TRMT11: variants seen among roughly 807,000 people sequenced by gnomAD.
The protein encoded by TRMT11 is tRNA (guanine(10)-N(2))-methyltransferase TRMT11.
In TRMT11, 53 loss-of-function variants were observed where a neutral mutation model predicts 62.8. That is an observed-to-expected ratio of 0.84 (90% CI 0.68 to 1.06). TRMT11 has a LOEUF of 1.06. TRMT11 is among the 50% of genes least tolerant of loss of function. TRMT11 has a pLI of 0.00. For missense variants in TRMT11, 556 were observed against 553.4 expected (o/e 1.00, Z -0.05); for synonymous variants, 188 against 190.3 (o/e 0.99, Z 0.10).
rs565480288 is a variant in TRMT11 at position 126,151,584 on chromosome 6, G to A, written c.*1824-23241G>A. ...TTAACTTAGGTCAGACCTGAGCACC[G>A]TGGGACCTGCCCAACCTCTCTCTCA... is the stretch of plus-strand genomic sequence containing the variant. On this transcript the variant is annotated intron_variant and NMD_transcript_variant, in intron 21 of 22. Transcript: ENST00000648977. Among the ~76,000 whole-genome samples the A allele has an allele frequency of 9.2e-4, 140 of 152,268 alleles. 1 individual carries two copies. Among genetic ancestry groups the A allele is most frequent in the Admixed American group, 2.5e-3 (38 of 15,286 alleles).
chr6:126,227,832 G>A, the TRMT11 span, among the ~76,000 whole-genome samples: 1 of 152,114 alleles, frequency 6.6e-6, no homozygotes, highest in Admixed American at 6.5e-5. Flanking sequence ...AAGCCCCCTT[G>A]GAAATGAGGC....
rs373895844 is a variant in TRMT11, at chr6:125,998,638, C to G, written c.476C>G (p.Pro159Arg). 58 of 1,613,240 alleles carry G rather than the reference C, an allele frequency of 3.6e-5. No individual in the cohort carries two copies. In the African/African-American group the frequency reaches 6.3e-4, roughly 17 times the overall value. ...GTTTTGGAGGATTATGGTTTAGACC[C>G]AAACTGCATCCCTGAGAATCCACAT... Reference protein sequence around the residue: ...FSVLEDYGLDPNCIPENPHNI... With the variant: ...FSVLEDYGLDRNCIPENPHNI... The change falls in exon 6 of 13, where the codon CCA becomes CGA. Residue 159 changes from proline to arginine, a missense_variant. By Grantham distance (103) the Pro-to-Arg change is moderately radical. Transcript: ENST00000334379.
chr6:126,151,980 CCCCT>C lies in TRMT11; in HGVS notation c.*1824-22832_*1824-22829del, dbSNP rs1285269517. Among the ~76,000 whole-genome samples the C allele has an allele frequency of 2.8e-4, 15 of 53,158 alleles. 2 individuals are homozygous for C. The highest frequency in any genetic ancestry group is 4.5e-4 in the Admixed American group (2 of 4,490). The allele number at this position is 53,158 out of a possible 152,430, so 34.9% of individuals were successfully genotyped here. A position where few individuals can be genotyped will look rare whatever the true frequency, so the allele number is the denominator to read the frequency against. ...TCTTTTCTTTCTTTCCTCTCTCTCTCCCCTCCCTCCCTCCCTTCCTCCCTTCCTT... is the reference window on the plus strand; with the variant it reads ...TCTTTTCTTTCTTTCCTCTCTCTCTCCCCTCCCTCCCTTCCTCCCTTCCTT... On this transcript the variant is annotated intron_variant and NMD_transcript_variant, in intron 21 of 22. Transcript: ENST00000648977.
chr6:126,248,012 A>C, the TRMT11 span, among the ~76,000 whole-genome samples: 1 of 152,138 alleles, frequency 6.6e-6, no homozygotes, highest in East Asian at 1.9e-4. Context: ...CCAATAAATG[A>C]GAATTCAACT....
At chr6:126,102,663 A>G (rs1288211422) in intron 17 of TRMT11, among the ~76,000 whole-genome samples, 1 of 152,100 alleles carries the variant, frequency 6.6e-6, no homozygotes, top group East Asian at 1.9e-4. Flanking sequence ...AATGGCCCAG[A>G]GAAGAGGCTG....
intron 18 of TRMT11, among the ~76,000 whole-genome samples, chr6:126,114,638 T>C (rs1777567862): frequency 6.6e-6 from 1 of 152,140 alleles, no homozygotes; most frequent in Non-Finnish European, 1.5e-5. Context: ...ATACCACATG[T>C]AACAAATGAG....
At chr6:126,223,824 C>A in the TRMT11 span, among the ~76,000 whole-genome samples, 11 of 152,120 alleles carry the variant, frequency 7.2e-5, no homozygotes, top group Admixed American at 7.2e-4. Flanking sequence ...TTTACATAAT[C>A]CCATATTTCT....
Position 126,021,147 on chromosome 6 carries a change from G to A in TRMT11, c.1140-13G>A, listed in dbSNP as rs770041146. Reference sequence around the variant, plus strand: ...ATGTGAGTGTTCCTAACAGTCAGCTGTTCTTTCTTCAGATACACTGAAGAG... The same window carrying A: ...ATGTGAGTGTTCCTAACAGTCAGCTATTCTTTCTTCAGATACACTGAAGAG... On this transcript the variant is annotated splice_polypyrimidine_tract_variant and intron_variant, in intron 11 of 12. Transcript: ENST00000334379. The A allele has an allele frequency of 6.2e-7, 1 of 1,613,938 alleles. No individual in the cohort carries two copies. Among genetic ancestry groups the A allele is most frequent in the Non-Finnish European group, 8.5e-7 (1 of 1,179,838 alleles).
chr6:126,114,201 G>A lies in TRMT11; in HGVS notation c.*1527-504G>A, dbSNP rs1464799045. Among the ~76,000 whole-genome samples the A allele has an allele frequency of 2.0e-5, 3 of 152,024 alleles. No individual in the cohort carries two copies. In the South Asian group the frequency reaches 6.2e-4, roughly 32 times the overall value. On this transcript the variant is annotated intron_variant and NMD_transcript_variant, in intron 18 of 22. Transcript: ENST00000648977. ...ATGTAGACTGAGTTCTGATGAAAAC[G>A]TATTTCTTAATACGGGTCGCAGCTG...
At chr6:126,223,508 A>G in the TRMT11 span, among the ~76,000 whole-genome samples, 2 of 152,204 alleles carry the variant, frequency 1.3e-5, no homozygotes, top group Non-Finnish European at 2.9e-5. Flanking sequence ...CAGACTTGTA[A>G]GGTTTGGGCT....
intron 21 of TRMT11, among the ~76,000 whole-genome samples, chr6:126,154,073 A>G (rs1778088933): frequency 6.6e-6 from 1 of 152,152 alleles, no homozygotes; most frequent in African/African-American, 2.4e-5. Flanking sequence ...TATGCCACTC[A>G]TTGGTTACTG....
chr6:126,271,269 C>G, the TRMT11 span, among the ~76,000 whole-genome samples: 1 of 142,768 alleles, frequency 7.0e-6, no homozygotes, highest in African/African-American at 2.6e-5. Context: ...GGGGCTGAGG[C>G]AGGAAAATCG....
intron 2 of TRMT11, among the ~76,000 whole-genome samples, 182 bp from the exon 3 acceptor site, chr6:125,995,785 T>G (rs950726285): frequency 1.3e-5 from 2 of 152,238 alleles, no homozygotes; most frequent in Non-Finnish European, 2.9e-5. Flanking sequence ...AAAAATGTTT[T>G]TACTATATTA....
At chr6:126,134,540 A>T (rs1202334830) in intron 21 of TRMT11, among the ~76,000 whole-genome samples, 1 of 151,950 alleles carries the variant, frequency 6.6e-6, no homozygotes, top group Non-Finnish European at 1.5e-5. Flanking sequence ...ATTACAATAC[A>T]ATAGAAGTAG....
rs78864375 is a variant in TRMT11, at chr6:126,159,991, G to A, written c.*1824-14834G>A. 2.9e-3 allele frequency among the ~76,000 whole-genome samples: 446 copies of A among 152,168 alleles called. 2 individuals carry two copies. In the Middle Eastern group the frequency reaches 0.034, roughly 12 times the overall value. On this transcript the variant is annotated intron_variant and NMD_transcript_variant, in intron 21 of 22. Coordinates refer to the TRMT11 transcript ENST00000648977. ...GTGAAATAATACAATTTTACAGCAG[G>A]ACTATCCTGTCTGATCTCTTACCTC...
At chr6:126,076,086 G>A (rs1777013881) in intron 17 of TRMT11, among the ~76,000 whole-genome samples, 1 of 150,646 alleles carries the variant, frequency 6.6e-6, no homozygotes, top group Admixed American at 6.6e-5. Flanking sequence ...TACTTAGTGT[G>A]CTATTAAGGT....
intron 9 of TRMT11, 56 bp downstream of exon 9, chr6:126,011,473 C>T (rs909897844): frequency 6.8e-7 from 1 of 1,474,324 alleles, no homozygotes; most frequent in South Asian, 1.2e-5. Context: ...AAATCATTTA[C>T]ATTTAAAGTA....
the TRMT11 span, among the ~76,000 whole-genome samples, chr6:126,259,448 C>T: frequency 2.0e-5 from 3 of 152,342 alleles, no homozygotes; most frequent in South Asian, 4.1e-4. Context: ...CTGCCTGCCT[C>T]AGCCTCCCAA....
Position 125,999,001 on chromosome 6 carries a change from G to C in TRMT11, c.522+317G>C, listed in dbSNP as rs1017228688. 4.0e-5 allele frequency among the ~76,000 whole-genome samples: 6 copies of C among 149,946 alleles called. No individual in the cohort carries two copies. In the South Asian group the frequency reaches 1.3e-3, roughly 32 times the overall value. On this transcript the variant is annotated intron_variant, in intron 6 of 12. Transcript: ENST00000334379. Reference sequence around the variant, plus strand: ...TTTTTTATAAAGCAGAGAAAACACAGAGTGCTGTGGTAGTTGAGGAATCTC... The same window carrying C: ...TTTTTTATAAAGCAGAGAAAACACACAGTGCTGTGGTAGTTGAGGAATCTC...
Sources: gnomAD v4.1 joint callset for allele counts (sites outside exome capture counted in the v4.1 genomes callset) on GRCh38, gnomAD v4.1.1 for gene constraint, MANE v1.5 for transcripts, NCBI Gene and HGNC (gene_info 2026-07-23, HGNC 2026-07-21) for gene names.